The following TPM1 variants were observed in gnomAD, a reference collection of about 807,000 sequenced individuals.
TPM1 encodes tropomyosin alpha-1 chain.
A neutral mutation model predicts 42.9 loss-of-function variants in TPM1; 24 were observed. That is an observed-to-expected ratio of 0.56 (90% CI 0.41 to 0.79). The LOEUF (loss-of-function observed/expected upper bound fraction) is 0.79. Ranked by LOEUF, TPM1 falls within the 30% of genes least tolerant of loss-of-function variation. The pLI, the probability that TPM1 is intolerant of heterozygous loss-of-function variation, is 0.00. For synonymous variants in TPM1, 136 were observed against 130.1 expected, an observed-to-expected ratio of 1.05 and a Z score of -0.31; for missense variants, 158 against 351.8, an observed-to-expected ratio of 0.45 and a Z score of 4.41.
At chr15:63,057,976 A>G (rs556097174) in intron 3 of TPM1, among the ~76,000 whole-genome samples, 2 of 152,352 alleles carry the variant, frequency 1.3e-5, no homozygotes, top group South Asian at 4.1e-4. Flanking sequence ...GAATGCAGTC[A>G]GTCATCTTGT....
chr15:63,059,917 CCT>C, intron 4 of TPM1: 1 of 376,918 alleles, frequency 2.7e-6, no homozygotes, highest in South Asian at 2.1e-5. Context: ...GACCAAAACT[CCT>C]CTCCCCCAGC....
chr15:63,043,950 A>C, intron 1 of TPM1, 77 bp from the exon 2 acceptor site: 4 of 1,566,048 alleles, frequency 2.6e-6, no homozygotes, highest in Non-Finnish European at 3.5e-6. Flanking sequence ...GGTTCTGTGC[A>C]CCCACACCCC....
At chr15:63,048,232 T>G (rs922813263) in intron 2 of TPM1, 2 of 474,916 alleles carry the variant, frequency 4.2e-6, no homozygotes, top group Admixed American at 4.7e-5. Context: ...AGAGCCCTAG[T>G]GCAGTGGCCT....
Position 63,048,759 on chromosome 15 carries a change from GC to G in TPM1, c.240+4608del, listed in dbSNP as rs1259603134. On this transcript the variant is annotated intron_variant, in intron 2 of 9. Transcript: ENST00000403994. ...GCCCCCAGAGGCGCATCCTCCCGGG[GC>G]AGCCCCGCAGGGCCCTCCTGCTTCC... is the stretch of plus-strand genomic sequence containing the variant. 8 of 1,516,072 alleles carry G rather than the reference GC, an allele frequency of 5.3e-6. No homozygotes were observed. The East Asian group carries it at 2.0e-4, about 39-fold the overall frequency. 93.9% of individuals were successfully genotyped at this position (1,516,072 alleles called of 1,614,324 possible). A position where few individuals can be genotyped will look rare whatever the true frequency, so the allele number is the denominator to read the frequency against.
intron 2 of TPM1, 169 bp downstream of exon 2, chr15:63,044,321 A>G (rs28730800): frequency 3.3e-6 from 3 of 908,244 alleles, no homozygotes; most frequent in African/African-American, 1.6e-5. Context: ...GCTACTGCAC[A>G]CATTCATTTA....
chr15:63,068,130 T>A (rs931050955), downstream of TPM1, among the ~76,000 whole-genome samples: 5 of 152,166 alleles, frequency 3.3e-5, no homozygotes, highest in Non-Finnish European at 7.3e-5. Context: ...GTGAATGTAG[T>A]AATGGGATAT....
At chr15:63,063,992 C>A in intron 8 of TPM1, 72 bp from the exon 9 acceptor site, 2 of 1,594,254 alleles carry the variant, frequency 1.3e-6, no homozygotes, top group Admixed American at 1.7e-5. Flanking sequence ...GCGCGCACCA[C>A]CCTCACTCAC....
chr15:63,053,272 A>T (rs922604890), intron 2 of TPM1, among the ~76,000 whole-genome samples: 3 of 152,226 alleles, frequency 2.0e-5, no homozygotes, highest in South Asian at 2.1e-4. Flanking sequence ...CCTGGTTAGG[A>T]TCTGTGCCTG....
chr15:63,071,436 G>A, exon 9 of TPM1: 1 of 422,522 alleles, frequency 2.4e-6, no homozygotes, highest in Non-Finnish European at 4.5e-6. Context: ...AGTCAGCGTA[G>A]GAATCCTCAC....
intron 2 of TPM1, among the ~76,000 whole-genome samples, chr15:63,052,480 G>GCCA (rs1240681325): frequency 6.6e-6 from 1 of 152,162 alleles, no homozygotes; most frequent in Non-Finnish European, 1.5e-5. Flanking sequence ...CCGAGGTCAT[G>GCCA]CCACTGCACT....
At chr15:63,046,580 C>G (rs1158976197) in intron 2 of TPM1, 1 of 152,398 alleles carries the variant, frequency 6.6e-6, no homozygotes, top group African/African-American at 2.4e-5. Context: ...AGTAGTATCC[C>G]TGATGGTCTT....
chr15:63,071,219 T>TTTTG (rs1282006791), exon 9 of TPM1: 1 of 1,596,432 alleles, frequency 6.3e-7, no homozygotes, highest in East Asian at 2.2e-5. Flanking sequence ...TTTTGTTTTG[T>TTTTG]TTTTAAACAC....
chr15:63,071,818 A>G (rs1305359780), exon 9 of TPM1: 2 of 154,784 alleles, frequency 1.3e-5, no homozygotes, highest in African/African-American at 4.8e-5. Flanking sequence ...TAGACACCAC[A>G]TACAACTGGT....
chr15:63,061,021 C>T, intron 5 of TPM1, 82 bp downstream of exon 5: 1 of 1,555,996 alleles, frequency 6.4e-7, no homozygotes, highest in Non-Finnish European at 8.8e-7. Context: ...GGCAGCTGCA[C>T]ATTACCTGTT....
Position 63,062,205 on chromosome 15 carries a change from C to G in TPM1, c.640-10C>G. The G allele has an allele frequency of 6.2e-7, 1 of 1,613,682 alleles. No individual in the cohort carries two copies. Among genetic ancestry groups the G allele is most frequent in the South Asian group, 1.1e-5 (1 of 91,068 alleles). ...CAGCCTGACATCTGGAATGCTCTTT[C>G]TAATTACAGTACTCGCAGAAGGAAG... On this transcript the variant is annotated splice_polypyrimidine_tract_variant and intron_variant, in intron 6 of 9. Coordinates refer to ENST00000403994, the MANE Select transcript of TPM1 (RefSeq NM_001018005.2).
chr15:63,043,575 C>T, intron 1 of TPM1: 2 of 1,401,234 alleles, frequency 1.4e-6, no homozygotes. Flanking sequence ...GAAGTTACCT[C>T]GGGTCCTTTG....
intron 2 of TPM1, chr15:63,048,388 G>A: frequency 7.4e-7 from 1 of 1,354,844 alleles, no homozygotes; most frequent in Non-Finnish European, 9.4e-7. Flanking sequence ...CCTGCGGTTT[G>A]TCTGCGCAGC....
At chr15:63,064,314 A>G (rs2036028902) in intron 9 of TPM1, 172 bp downstream of exon 9, 1 of 1,509,204 alleles carries the variant, frequency 6.6e-7, no homozygotes. Flanking sequence ...TATAAAGGCC[A>G]ATTAGATTAA....
chr15:63,061,063 T>C (rs962424858), intron 5 of TPM1, 124 bp downstream of exon 5: 1 of 1,466,622 alleles, frequency 6.8e-7, no homozygotes, highest in Non-Finnish European at 9.5e-7. Context: ...GCTCATTTGA[T>C]GTGGATGAGC....
Sources: gnomAD v4.1 joint callset for allele counts (sites outside exome capture counted in the v4.1 genomes callset) on GRCh38, gnomAD v4.1.1 for gene constraint, MANE v1.5 for transcripts, NCBI Gene and HGNC (gene_info 2026-07-23, HGNC 2026-07-21) for gene names.